PIGG: variants seen among roughly 807,000 people sequenced by gnomAD.
The protein encoded by PIGG is phosphatidylinositol glycan anchor biosynthesis class G (EMM blood group), also known as GPI ethanolamine phosphate transferase 2, catalytic subunit.
In PIGG, 70 loss-of-function variants were observed where a neutral mutation model predicts 83.2. The ratio of observed to expected loss-of-function variants is 0.84; its 90% CI spans 0.69 to 1.03. The LOEUF is 1.03. PIGG is among the 50% of genes least tolerant of loss of function. The pLI, the probability that PIGG is intolerant of heterozygous loss-of-function variation, is 0.00. For missense variants in PIGG, 1,257 were observed against 1,233.6 expected (o/e 1.02, Z -0.28); for synonymous variants, 532 against 519.5 (o/e 1.02, Z -0.33).
intron 6 of PIGG, 48 bp downstream of exon 6, chr4:516,233 C>A: frequency 7.6e-7 from 1 of 1,318,824 alleles, no homozygotes; most frequent in Non-Finnish European, 1.1e-6. Context: ...TGTGTTTCCA[C>A]TGAGCTCGGG....
At position 515,005 on chromosome 4, in the gene PIGG, T is replaced by C. The variant is rs1434400678; in HGVS notation, c.902-968T>C. Among the ~76,000 whole-genome samples, 3 of 152,254 alleles carry C rather than the reference T, an allele frequency of 2.0e-5. No homozygotes were observed. The highest frequency in any genetic ancestry group is 7.2e-5 in the African/African-American group (3 of 41,462). On this transcript the variant is annotated intron_variant, in intron 5 of 12. Coordinates refer to ENST00000453061, the MANE Select transcript of PIGG (RefSeq NM_001127178.3). The surrounding 1 kb of genome is among the most constrained non-coding windows in gnomAD (Gnocchi z 4.2). Reference sequence around the variant, plus strand: ...CCACACTGGAGTGGAAGGTTCTTTCTAAGCATGACCTAGAAGCCGTCATTA... The same window carrying C: ...CCACACTGGAGTGGAAGGTTCTTTCCAAGCATGACCTAGAAGCCGTCATTA...
At chr4:517,666 G>A (rs1197340006) in intron 6 of PIGG, among the ~76,000 whole-genome samples, 1 of 152,144 alleles carries the variant, frequency 6.6e-6, no homozygotes. Flanking sequence ...AGTGGGGGAA[G>A]GCCTGGCTGG....
chr4:531,596 G>A (rs1729076423), intron 11 of PIGG: 1 of 152,588 alleles, frequency 6.6e-6, no homozygotes, highest in African/African-American at 2.4e-5. Flanking sequence ...CCTTTCCCAT[G>A]GAACAGCCCA....
Position 505,717 on chromosome 4 carries a change from G to GAT in PIGG, c.361-1_361insAT (p.Ala121MetfsTer3). ...CTAATTCTTGCATTTTCTGACTGCA[G>GAT]GCATTGATGACGGGGAGCCTTCCTG... On this transcript the variant is annotated frameshift_variant and splice_region_variant. Transcript: ENST00000453061. LOFTEE classifies it high-confidence loss of function. The GAT allele has an allele frequency of 2.5e-6, 4 of 1,612,130 alleles. No individual in the cohort carries two copies. The highest frequency in any genetic ancestry group is 3.4e-6 in the Non-Finnish European group (4 of 1,178,628).
chr4:505,718 G>A lies in PIGG; in HGVS notation c.361G>A (p.Ala121Thr), dbSNP rs782088557. Residue 121 changes from alanine to threonine, a missense_variant and splice_region_variant, in exon 3 of 13, where the codon GCA becomes ACA. Ala to Thr is a moderately conservative substitution (Grantham distance 58). Transcript: ENST00000453061. Reference sequence around the variant, plus strand: ...TAATTCTTGCATTTTCTGACTGCAGGCATTGATGACGGGGAGCCTTCCTGG... The same window carrying A: ...TAATTCTTGCATTTTCTGACTGCAGACATTGATGACGGGGAGCCTTCCTGG... ...PPTVTMPRIKALMTGSLPGFV... is the reference protein window; with the variant it reads ...PPTVTMPRIKTLMTGSLPGFV... The A allele has an allele frequency of 1.2e-6, 2 of 1,612,042 alleles. No homozygotes were observed. Among genetic ancestry groups the A allele is most frequent in the Non-Finnish European group, 1.7e-6 (2 of 1,178,540 alleles).
Position 505,890 on chromosome 4 carries a change from A to C in PIGG, c.533A>C (p.Asp178Ala), listed in dbSNP as rs782468633. Residue 178 changes from aspartate (D) to alanine (A), a missense_variant, in exon 3 of 13, where the codon GAT becomes GCT. By Grantham distance (126) the Asp-to-Ala change is moderately radical. Transcript: ENST00000453061. ...KLFPKHFVEY[D>A]GTTSFFVSDY... ...TTCCCAAAGCATTTTGTGGAATATGATGGAACAACCTCATTTTTCGTGTCA... is the reference window on the plus strand; with the variant it reads ...TTCCCAAAGCATTTTGTGGAATATGCTGGAACAACCTCATTTTTCGTGTCA... The C allele has an allele frequency of 6.2e-7, 1 of 1,613,176 alleles. No individual in the cohort carries two copies. The highest frequency in any genetic ancestry group is 1.1e-5 in the South Asian group (1 of 91,012).
intron 4 of PIGG, among the ~76,000 whole-genome samples, chr4:507,850 T>C (rs73072128): frequency 1.6e-3 from 240 of 152,342 alleles, no homozygotes; most frequent in African/African-American, 5.5e-3. Context: ...CCTGAAGACC[T>C]TTTGTGCCAC....
chr4:504,222 T>G (rs545084179), intron 2 of PIGG, among the ~76,000 whole-genome samples: 1 of 152,348 alleles, frequency 6.6e-6, no homozygotes, highest in South Asian at 2.1e-4. Flanking sequence ...TGTTTTTATC[T>G]TTAAGCCTGT....
rs547325900 is a variant in PIGG, at chr4:522,585, G to A, written c.1614+644G>A. 10 of 164,980 alleles carry A rather than the reference G, an allele frequency of 6.1e-5. No individual in the cohort carries two copies. In the South Asian group the frequency reaches 1.6e-3, roughly 26 times the overall value. The allele number at this position is 164,980 out of a possible 1,614,324, so 10.2% of individuals were successfully genotyped here. On this transcript the variant is annotated intron_variant, in intron 8 of 12. Transcript: ENST00000453061. ...GACCCACTGCAGTGGCAGCAGGACTGTTGGGCCCCCACCCCAACCCTGCGC... is the reference window on the plus strand; with the variant it reads ...GACCCACTGCAGTGGCAGCAGGACTATTGGGCCCCCACCCCAACCCTGCGC...
At chr4:533,618 G>A in intron 11 of PIGG, 200 bp from the exon 12 acceptor site, 2 of 593,982 alleles carry the variant, frequency 3.4e-6, no homozygotes, top group Non-Finnish European at 6.0e-6. Context: ...GGCAGGGGGA[G>A]GGGGTGCCAC....
intron 9 of PIGG, among the ~76,000 whole-genome samples, chr4:526,482 GC>G (rs1000001504): frequency 3.9e-5 from 6 of 152,236 alleles, no homozygotes; most frequent in Non-Finnish European, 5.9e-5. Context: ...TCACCCAGGA[GC>G]GGGTGACAGC....
In PIGG at chr4:539,247, C is replaced by G; in HGVS notation, c.2830C>G (p.His944Asp). ...YIVLVTSLRYHLFIWSVFSPK... is the reference protein window; with the variant it reads ...YIVLVTSLRYDLFIWSVFSPK... ...CGTTTTGGTGACATCTCTGCGTTAT[C>G]ATTTATTTATATGGAGTGTATTTTC... The change falls in exon 13 of 13, where the codon CAT becomes GAT. Residue 944 changes from histidine (H) to aspartate (D), a missense_variant. His to Asp is a moderately conservative substitution (Grantham distance 81). Coordinates refer to ENST00000453061, the MANE Select transcript of PIGG (RefSeq NM_001127178.3). 6.2e-7 allele frequency: 1 copy of G among 1,611,660 alleles called. No homozygotes were observed. The highest frequency in any genetic ancestry group is 1.1e-5 in the South Asian group (1 of 91,038).
At chr4:499,768 C>G in intron 1 of PIGG, 1 of 1,288,274 alleles carries the variant, frequency 7.8e-7, no homozygotes, top group Admixed American at 3.9e-5. Context: ...TCCACTTCTA[C>G]TCGTCCAGAG....
intron 5 of PIGG, among the ~76,000 whole-genome samples, chr4:509,527 G>A (rs1017267283): frequency 1.3e-5 from 2 of 152,174 alleles, no homozygotes; most frequent in Non-Finnish European, 1.5e-5. Flanking sequence ...TTCCACTTGC[G>A]CCTGGCTTCT....
chr4:520,901 C>G lies in PIGG; in HGVS notation c.1115-155C>G, dbSNP rs1188554880. On this transcript the variant is annotated intron_variant, in intron 6 of 12. Transcript: ENST00000453061. ...CTTTACAGAAGGCGTTGCAGACCCC[C>G]CACCCAAAGGAATGATTGATCTTCA... 8.0e-6 allele frequency: 5 copies of G among 627,212 alleles called. No individual in the cohort carries two copies. In the Admixed American group the frequency reaches 8.3e-5, roughly 10 times the overall value. The allele number at this position is 627,212 out of a possible 1,614,324, so 38.9% of individuals were successfully genotyped here.
chr4:509,786 C>T (rs1216405403), intron 5 of PIGG, among the ~76,000 whole-genome samples: 8 of 152,182 alleles, frequency 5.3e-5, no homozygotes, highest in South Asian at 2.1e-4. Context: ...CCTGGAGATA[C>T]GGTCTCATCT....
chr4:519,692 G>C (rs1190774205), intron 6 of PIGG, among the ~76,000 whole-genome samples: 1 of 152,018 alleles, frequency 6.6e-6, no homozygotes, highest in Non-Finnish European at 1.5e-5. Flanking sequence ...GGCAGCAGTG[G>C]GGTGGGCCTG....
chr4:515,666 C>T lies in PIGG; in HGVS notation c.902-307C>T, dbSNP rs1723595800. ...CAAAGTGACAGTCCCTCCGTGTCTGCGGGACCACCTGCTTCCTCTGTGTTC... is the reference window on the plus strand; with the variant it reads ...CAAAGTGACAGTCCCTCCGTGTCTGTGGGACCACCTGCTTCCTCTGTGTTC... On this transcript the variant is annotated intron_variant, in intron 5 of 12. Transcript: ENST00000453061. This position sits in a 1 kb window ranked among gnomAD's most constrained non-coding sequence, Gnocchi z 4.2. 6.6e-6 allele frequency among the ~76,000 whole-genome samples: 1 copy of T among 152,188 alleles called. No homozygotes were observed. The highest frequency in any genetic ancestry group is 2.4e-5 in the African/African-American group (1 of 41,442).
intron 12 of PIGG, 136 bp downstream of exon 12, chr4:534,117 AT>A (rs1729773238): frequency 1.3e-6 from 1 of 762,246 alleles, no homozygotes; most frequent in Non-Finnish European, 2.1e-6. Flanking sequence ...TTTTCCTTAA[AT>A]AGGGAACGGT....
Sources: allele counts gnomAD v4.1 joint callset (sites outside exome capture counted in the v4.1 genomes callset), GRCh38; gene constraint gnomAD v4.1.1; non-coding constraint Gnocchi (gnomAD v3.1); transcripts MANE v1.5; gene names NCBI Gene and HGNC (gene_info 2026-07-23, HGNC 2026-07-21).